The following FHIT variants were observed in gnomAD, a reference collection of about 807,000 sequenced individuals.
The protein encoded by FHIT is bis(5'-adenosyl)-triphosphatase.
FHIT carries 19 observed loss-of-function variants against 17.9 expected under a neutral mutation model. That is an observed-to-expected ratio of 1.06 (90% CI 0.74 to 1.56). FHIT has a LOEUF of 1.56. Ranked by LOEUF, FHIT falls within the 40% of genes most tolerant of loss-of-function variation. The pLI, the probability that FHIT is intolerant of heterozygous loss-of-function variation, is 0.00. For synonymous variants in FHIT, 81 were observed against 69.7 expected, an observed-to-expected ratio of 1.16 and a Z score of -0.81; for missense variants, 248 against 189.2, an observed-to-expected ratio of 1.31 and a Z score of -1.82.
chr3:60,572,994 G>A (rs1424402284), intron 4 of FHIT, among the ~76,000 whole-genome samples: 1 of 152,076 alleles, frequency 6.6e-6, no homozygotes. Context: ...TATTTCACTT[G>A]ATAAAACTGA....
At position 60,304,819 on chromosome 3, in the gene FHIT, G is replaced by A. The variant is rs575042902; in HGVS notation, c.103+232041C>T. 9.2e-5 allele frequency among the ~76,000 whole-genome samples: 14 copies of A among 152,158 alleles called. No individual in the cohort carries two copies. The South Asian group carries it at 2.9e-3, about 32-fold the overall frequency. On this transcript the variant is annotated intron_variant, in intron 5 of 9. Coordinates refer to ENST00000492590, the MANE Select transcript of FHIT (RefSeq NM_002012.4). ...AATTCTCAGTATCTAACTTTATTAA[G>A]CAACCAAGCTAAGCTGATTGTACAT...
At chr3:61,055,139 G>A (rs186037578) in intron 2 of FHIT, among the ~76,000 whole-genome samples, 20 of 151,984 alleles carry the variant, frequency 1.3e-4, no homozygotes, top group Middle Eastern at 3.4e-3. Flanking sequence ...TCTGTGATGC[G>A]TCTCTTTTCC....
chr3:59,960,225 T>A (rs1481724181), intron 7 of FHIT, among the ~76,000 whole-genome samples: 1 of 152,214 alleles, frequency 6.6e-6, no homozygotes, highest in African/African-American at 2.4e-5. Context: ...TGCAGCAACC[T>A]GTAACAGGTC....
intron 5 of FHIT, among the ~76,000 whole-genome samples, chr3:60,468,340 T>A (rs2032909688): frequency 6.6e-6 from 1 of 152,128 alleles, no homozygotes. Flanking sequence ...TTTTGTTATT[T>A]GTTTTCTGGT....
chr3:59,986,394 C>A (rs1708902401), intron 7 of FHIT, among the ~76,000 whole-genome samples: 1 of 149,564 alleles, frequency 6.7e-6, no homozygotes, highest in Admixed American at 6.8e-5. Flanking sequence ...CCTTCTTGTG[C>A]CCTTACTTCT....
At chr3:60,272,884 T>G (rs1159853431) in intron 5 of FHIT, among the ~76,000 whole-genome samples, 1 of 152,210 alleles carries the variant, frequency 6.6e-6, no homozygotes, top group African/African-American at 2.4e-5. Context: ...AGCAAGTGAC[T>G]GGCAATGAGG....
intron 5 of FHIT, among the ~76,000 whole-genome samples, chr3:60,423,736 T>C (rs1277511440): frequency 2.0e-5 from 3 of 152,178 alleles, no homozygotes; most frequent in Admixed American, 6.5e-5. Flanking sequence ...TGCAGCTAAG[T>C]AATGCAGCTG....
chr3:60,096,794 C>G (rs1293832339), intron 5 of FHIT, among the ~76,000 whole-genome samples: 2 of 151,902 alleles, frequency 1.3e-5, no homozygotes, highest in South Asian at 2.1e-4. Context: ...GGAATGTTTA[C>G]AGAGGAAATG....
At chr3:60,547,254 C>T (rs1391189374) in intron 4 of FHIT, among the ~76,000 whole-genome samples, 3 of 152,160 alleles carry the variant, frequency 2.0e-5, no homozygotes, top group Non-Finnish European at 4.4e-5. Flanking sequence ...CAGGGAACTG[C>T]TTCTTAGCAA....
intron 2 of FHIT, among the ~76,000 whole-genome samples, chr3:61,163,355 G>A (rs745882689): frequency 6.6e-6 from 1 of 152,152 alleles, no homozygotes; most frequent in African/African-American, 2.4e-5. Flanking sequence ...AATAATGCTC[G>A]CTGATGGTAG....
intron 8 of FHIT, among the ~76,000 whole-genome samples, chr3:59,865,939 G>C (rs1249608307): frequency 6.6e-6 from 1 of 152,196 alleles, no homozygotes; most frequent in Non-Finnish European, 1.5e-5. Context: ...ACTGCATCCA[G>C]AGCAGTTCCC....
chr3:60,595,205 CAG>C (rs781854409), intron 4 of FHIT, among the ~76,000 whole-genome samples: 45 of 151,870 alleles, frequency 3.0e-4, no homozygotes, highest in Non-Finnish European at 2.8e-4. Flanking sequence ...GCAAAGAGAA[CAG>C]AGAAAAAAGC....
intron 5 of FHIT, among the ~76,000 whole-genome samples, chr3:60,205,734 T>G (rs1055221426): frequency 1.3e-5 from 2 of 152,116 alleles, no homozygotes; most frequent in Non-Finnish European, 2.9e-5. Context: ...TATGAATACG[T>G]ATGTGTATTC....
chr3:60,250,332 T>C (rs1264153921), intron 5 of FHIT, among the ~76,000 whole-genome samples: 1 of 152,174 alleles, frequency 6.6e-6, no homozygotes, highest in Admixed American at 6.5e-5. Flanking sequence ...ATAAAAATAG[T>C]CTGAGCAATG....
chr3:60,581,884 A>G (rs1416573105), intron 4 of FHIT, among the ~76,000 whole-genome samples: 1 of 152,034 alleles, frequency 6.6e-6, no homozygotes, highest in Non-Finnish European at 1.5e-5. Context: ...AGCAAATGAA[A>G]TAAGATTGGA....
At chr3:60,920,238 C>T (rs562456976) in intron 3 of FHIT, among the ~76,000 whole-genome samples, 1 of 152,156 alleles carries the variant, frequency 6.6e-6, no homozygotes, top group East Asian at 1.9e-4. Flanking sequence ...AATAAATATG[C>T]ATGCTTTGGG....
At chr3:60,830,967 C>T (rs1469082402) in intron 3 of FHIT, among the ~76,000 whole-genome samples, 1 of 152,168 alleles carries the variant, frequency 6.6e-6, no homozygotes. Context: ...GCAGTAAATA[C>T]TGTGCAGCTT....
At chr3:60,430,294 G>A (rs1316427484) in intron 5 of FHIT, among the ~76,000 whole-genome samples, 1 of 152,018 alleles carries the variant, frequency 6.6e-6, no homozygotes, top group East Asian at 1.9e-4. Context: ...TTAACACTGT[G>A]TCTAAAACAC....
chr3:60,882,843 T>A (rs1460730467), intron 3 of FHIT, among the ~76,000 whole-genome samples: 2 of 152,060 alleles, frequency 1.3e-5, no homozygotes, highest in Non-Finnish European at 2.9e-5. Context: ...TTATTCAACA[T>A]AACATTGGAA....
Sources: gnomAD v4.1 joint callset for allele counts (sites outside exome capture counted in the v4.1 genomes callset) on GRCh38, gnomAD v4.1.1 for gene constraint, MANE v1.5 for transcripts, NCBI Gene and HGNC (gene_info 2026-07-23, HGNC 2026-07-21) for gene names.